The following PPFIBP2 variants were observed in gnomAD, a reference collection of about 807,000 sequenced individuals.
PPFIBP2 encodes the protein PPFIB scaffold protein 2, also known as liprin-beta-2.
Under a neutral mutation model 118.3 loss-of-function variants are expected in PPFIBP2, and 118 were observed. That is an observed-to-expected ratio of 1.00 (90% confidence interval 0.86 to 1.16). The LOEUF is 1.16. Ranked by LOEUF, PPFIBP2 falls within the 50% of genes most tolerant of loss-of-function variation. The pLI, the probability that PPFIBP2 is intolerant of heterozygous loss-of-function variation, is 0.00. For synonymous variants in PPFIBP2, 414 were observed against 397.4 expected (o/e 1.04, Z -0.50); for missense variants, 1,195 against 1,073.1 (o/e 1.11, Z -1.59).
chr11:7,536,899 A>G (rs996322818), intron 1 of PPFIBP2, among the ~76,000 whole-genome samples: 1 of 152,160 alleles, frequency 6.6e-6, no homozygotes, highest in Non-Finnish European at 1.5e-5. Flanking sequence ...GAATAGGGCT[A>G]TGGTGAAAGA....
chr11:7,587,021 A>G (rs773211624), intron 3 of PPFIBP2, among the ~76,000 whole-genome samples: 5 of 152,052 alleles, frequency 3.3e-5, no homozygotes, highest in Non-Finnish European at 5.9e-5. Context: ...TTTTGTTTGA[A>G]CTTACTTTTT....
At position 7,651,709 on chromosome 11, in the gene PPFIBP2, C is replaced by T; in HGVS notation, c.2301C>T (p.Pro767=). Residue 767 remains proline (P), a synonymous_variant, in exon 23 of 24, where the codon CCC becomes CCT. Coordinates refer to ENST00000299492, the MANE Select transcript of PPFIBP2 (RefSeq NM_003621.5). ...GDTLAMLLNI[P]PQKTLLRRHL... ...CCCTGGCTATGCTTCTCAACATCCC[C>T]CCACAAAAGACGCTCCTCAGGCGCC... The T allele has an allele frequency of 6.2e-7, 1 of 1,613,890 alleles. No individual in the cohort carries two copies. The highest frequency in any genetic ancestry group is 8.5e-7 in the Non-Finnish European group (1 of 1,179,750).
the PPFIBP2 span, among the ~76,000 whole-genome samples, chr11:7,663,042 C>A: frequency 2.2e-5 from 3 of 134,998 alleles, no homozygotes; most frequent in African/African-American, 7.6e-5. Flanking sequence ...TCTAGTTATA[C>A]ATTCTTCTAA....
chr11:7,561,976 C>T (rs1324223343), intron 2 of PPFIBP2, among the ~76,000 whole-genome samples: 1 of 152,166 alleles, frequency 6.6e-6, no homozygotes, highest in Non-Finnish European at 1.5e-5. Context: ...CCTGGGGAGT[C>T]GGGGGAAAGT....
chr11:7,650,916 C>A lies in PPFIBP2; in HGVS notation c.2198C>A (p.Ala733Glu), dbSNP rs962059760. Residue 733 changes from alanine (A) to glutamate (E), a missense_variant, in exon 22 of 24, where the codon GCA (alanine) becomes GAA (glutamate). Coordinates refer to ENST00000299492, the MANE Select transcript of PPFIBP2 (RefSeq NM_003621.5). The part of the protein sequence containing the change: ...VMEWLRSVDL[A>E]EYAPNLRGSG... ...GAGTGGTTACGATCTGTGGACCTGG[C>A]AGAGTATGCACCCAATCTTCGAGGG... The A allele has an allele frequency of 1.9e-6, 3 of 1,613,912 alleles. No individual in the cohort carries two copies. The highest frequency in any genetic ancestry group is 8.5e-7 in the Non-Finnish European group (1 of 1,179,944).
Position 7,607,342 on chromosome 11 carries a change from G to T in PPFIBP2, c.487-2949G>T, listed in dbSNP as rs1330576528. Among the ~76,000 whole-genome samples the T allele has an allele frequency of 2.1e-5, 3 of 143,006 alleles. No homozygotes were observed. In the South Asian group the frequency reaches 6.3e-4, roughly 30 times the overall value. 93.8% of individuals were successfully genotyped at this position (143,006 alleles called of 152,430 possible). On this transcript the variant is annotated intron_variant, in intron 5 of 23. Coordinates refer to ENST00000299492, the MANE Select transcript of PPFIBP2 (RefSeq NM_003621.5). ...CCCACCTCAGCCTCTCAAGTAGCTG[G>T]AACTACTTGAGGCCCATGCCACCAC...
At chr11:7,642,974 A>C (rs1852428936) in intron 17 of PPFIBP2, among the ~76,000 whole-genome samples, 1 of 152,194 alleles carries the variant, frequency 6.6e-6, no homozygotes, top group South Asian at 2.1e-4. Flanking sequence ...CTCCTCGTGC[A>C]TGAGACCTGG....
chr11:7,539,834 A>C (rs79829443), intron 1 of PPFIBP2, among the ~76,000 whole-genome samples: 10,280 of 152,264 alleles, frequency 0.068, 1,058 homozygotes, highest in African/African-American at 0.22. Context: ...CCCCAAAAGC[A>C]GAAGCAAGCT....
At chr11:7,654,003 T>G (rs11041503), downstream of PPFIBP2, among the ~76,000 whole-genome samples, 25,535 of 152,082 alleles carry the variant, frequency 0.17, 2,523 homozygotes, top group East Asian at 0.45. Flanking sequence ...GGGCTTCAAG[T>G]CTCATGCACA....
the PPFIBP2 span, among the ~76,000 whole-genome samples, chr11:7,662,553 C>G: frequency 1.3e-5 from 2 of 150,954 alleles, no homozygotes; most frequent in African/African-American, 4.9e-5. Context: ...GAGGGTAACC[C>G]GACCTTTCTC....
chr11:7,645,124 A>G (rs934259401), intron 17 of PPFIBP2, among the ~76,000 whole-genome samples: 3 of 149,682 alleles, frequency 2.0e-5, no homozygotes, highest in Admixed American at 1.3e-4. Context: ...CCCTTGGTCT[A>G]TACTTTTCCT....
chr11:7,528,664 G>C (rs1564940806), intron 1 of PPFIBP2, among the ~76,000 whole-genome samples: 1 of 152,228 alleles, frequency 6.6e-6, no homozygotes, highest in Non-Finnish European at 1.5e-5. Context: ...GGGGTTGAGA[G>C]GAGGGACCGA....
At chr11:7,556,376 A>G (rs1364206804) in intron 2 of PPFIBP2, among the ~76,000 whole-genome samples, 1 of 152,092 alleles carries the variant, frequency 6.6e-6, no homozygotes, top group Non-Finnish European at 1.5e-5. Flanking sequence ...AATGGCATGA[A>G]CCCAGGAGGT....
intron 1 of PPFIBP2, among the ~76,000 whole-genome samples, chr11:7,547,521 G>T (rs1852454790): frequency 6.6e-6 from 1 of 152,206 alleles, no homozygotes; most frequent in Non-Finnish European, 1.5e-5. Flanking sequence ...AGAGTCTGCA[G>T]ATTGTTTCCT....
At chr11:7,632,795 A>G in intron 11 of PPFIBP2, 72 bp from the exon 12 acceptor site, 1 of 1,216,894 alleles carries the variant, frequency 8.2e-7, no homozygotes, top group Non-Finnish European at 1.2e-6. Flanking sequence ...AATCATGTGA[A>G]GCAGGGGGAA....
intron 17 of PPFIBP2, among the ~76,000 whole-genome samples, chr11:7,647,478 C>T (rs151070048): frequency 6.6e-6 from 1 of 152,122 alleles, no homozygotes; most frequent in Non-Finnish European, 1.5e-5. Flanking sequence ...CCTCTCCCCA[C>T]CCCCGCAATC....
Position 7,557,181 on chromosome 11 carries a change from C to T in PPFIBP2, c.64+7642C>T, listed in dbSNP as rs188239825. ...AAATCTATCTTCCTCTCCAATAATT[C>T]TCTCATCTGCTATTTAACCTGTTCA... On this transcript the variant is annotated intron_variant, in intron 2 of 23. Transcript: ENST00000299492. 8.6e-3 allele frequency among the ~76,000 whole-genome samples: 1,301 copies of T among 152,120 alleles called. 11 individuals are homozygous for T. Among genetic ancestry groups the T allele is most frequent in the Admixed American group, 0.013 (198 of 15,288 alleles).
chr11:7,664,079 C>T, the PPFIBP2 span, among the ~76,000 whole-genome samples: 1 of 152,174 alleles, frequency 6.6e-6, no homozygotes, highest in Non-Finnish European at 1.5e-5. Context: ...CCCGGTACCT[C>T]AGATGGAAAT....
chr11:7,613,977 C>A (rs972688008), intron 6 of PPFIBP2, among the ~76,000 whole-genome samples: 1 of 152,240 alleles, frequency 6.6e-6, no homozygotes, highest in Non-Finnish European at 1.5e-5. Context: ...ATGATGCCAT[C>A]ATTTCTTCTT....
Sources: allele counts gnomAD v4.1 joint callset (sites outside exome capture counted in the v4.1 genomes callset), GRCh38; gene constraint gnomAD v4.1.1; transcripts MANE v1.5; gene names NCBI Gene and HGNC (gene_info 2026-07-23, HGNC 2026-07-21).